AGMAT: variants seen among roughly 807,000 people sequenced by gnomAD.
AGMAT encodes guanidino acid hydrolase, mitochondrial.
Under a neutral mutation model 29.3 loss-of-function variants are expected in AGMAT, and 37 were observed. That is an observed-to-expected ratio of 1.26 (90% CI 0.97 to 1.66). The LOEUF is 1.66. Among genes scored for constraint, AGMAT ranks in the 40% most tolerant of loss-of-function variants. The pLI, the probability that AGMAT is intolerant of heterozygous loss-of-function variation, is 0.00. For synonymous variants in AGMAT, 199 were observed against 200.8 expected, an observed-to-expected ratio of 0.99 and a Z score of 0.08; for missense variants, 498 against 497.8, an observed-to-expected ratio of 1.00 and a Z score of 0.00.
At position 15,577,737 on chromosome 1, in the gene AGMAT, G is replaced by A. The variant is rs1255469975; in HGVS notation, c.848C>T (p.Ala283Val). Residue 283 changes from alanine (A) to valine (V), a missense_variant, in exon 5 of 7, where the codon GCC becomes GTC. Physicochemically the swap from Ala to Val is moderately conservative, Grantham distance 64. Transcript: ENST00000375826. The stretch of plus-strand genomic sequence containing the variant: ...AGGTGTCCCTGTCCCTGGCGCATAG[G>A]CAGGATCCAGAGCGTCAATATCAAA... ...ISFDIDALDP[A>V]YAPGTGTPEI... 1 of 1,614,118 alleles carries A rather than the reference G, an allele frequency of 6.2e-7. No homozygotes were observed. The highest frequency in any genetic ancestry group is 1.7e-5 in the Admixed American group (1 of 60,014).
In AGMAT at chr1:15,572,668, T is replaced by TC. The variant is rs1270807140; in HGVS notation, c.*982dup. On this transcript the variant is annotated 3_prime_UTR_variant, in exon 7 of 7. Coordinates refer to ENST00000375826, the MANE Select transcript of AGMAT (RefSeq NM_024758.5). ...AGCCACCGTGTCCAGCCTTAGGTTT[T>TC]CTAGTTTAGAAGACATTTTGTGTAC... The TC allele has an allele frequency of 6.6e-6, 1 of 152,090 alleles. No homozygotes were observed. Among genetic ancestry groups the TC allele is most frequent in the African/African-American group, 2.4e-5 (1 of 41,396 alleles). 9.4% of individuals were successfully genotyped at this position (152,090 alleles called of 1,614,324 possible).
At position 15,579,789 on chromosome 1, in the gene AGMAT, A is replaced by G. The variant is rs564829881; in HGVS notation, c.524+305T>C. Among the ~76,000 whole-genome samples, 3 of 152,358 alleles carry G rather than the reference A, an allele frequency of 2.0e-5. No individual in the cohort carries two copies. The East Asian group carries it at 5.8e-4, about 29-fold the overall frequency. ...TGAAGCAAAACAGAAACTGAAGTTAACTGAGGTTGTGTATTTCACTAGAGG... is the reference window on the plus strand; with the variant it reads ...TGAAGCAAAACAGAAACTGAAGTTAGCTGAGGTTGTGTATTTCACTAGAGG... On this transcript the variant is annotated intron_variant, in intron 3 of 6. Transcript: ENST00000375826.
intron 5 of AGMAT, chr1:15,575,731 T>TTATTTATG (rs1451436676): frequency 7.7e-6 from 1 of 129,868 alleles, no homozygotes; most frequent in Non-Finnish European, 1.6e-5. Flanking sequence ...ACATGCACTT[T>TTATTTATG]TATTTATTTA....
chr1:15,584,196 G>T (rs1394651914), intron 1 of AGMAT, among the ~76,000 whole-genome samples: 3 of 152,202 alleles, frequency 2.0e-5, no homozygotes, highest in Non-Finnish European at 4.4e-5. Flanking sequence ...AGGCTGGAGC[G>T]CAGTGGCGCA....
At position 15,584,806 on chromosome 1, in the gene AGMAT, C is replaced by A; in HGVS notation, c.162G>T (p.Val54=). The A allele has an allele frequency of 1.4e-6, 2 of 1,401,000 alleles. No homozygotes were observed. Among genetic ancestry groups the A allele is most frequent in the Non-Finnish European group, 1.9e-6 (2 of 1,080,408 alleles). The allele number at this position is 1,401,000 out of a possible 1,614,324, so 86.8% of individuals were successfully genotyped here. A position where few individuals can be genotyped will look rare whatever the true frequency, so the allele number is the denominator to read the frequency against. Residue 54 remains valine, a synonymous_variant, in exon 1 of 7, where the codon GTG becomes GTT. Transcript: ENST00000375826. Reference sequence around the variant, plus strand: ...GCAGGCGCATCATGGAGCAGACGCCCACCGGCCGGGCCACGAACTCGGGGC... The same window carrying A: ...GCAGGCGCATCATGGAGCAGACGCCAACCGGCCGGGCCACGAACTCGGGGC... ...PPSPEFVARP[V]GVCSMMRLPV...
intron 3 of AGMAT, among the ~76,000 whole-genome samples, chr1:15,579,444 C>T (rs1180174719): frequency 6.6e-6 from 1 of 152,116 alleles, no homozygotes; most frequent in Admixed American, 6.5e-5. Context: ...CTCCATCAAC[C>T]CCTGCCAGCC....
At position 15,580,080 on chromosome 1, in the gene AGMAT, C is replaced by T; in HGVS notation, c.524+14G>A. 1 of 1,612,972 alleles carries T rather than the reference C, an allele frequency of 6.2e-7. No individual in the cohort carries two copies. The highest frequency in any genetic ancestry group is 8.5e-7 in the Non-Finnish European group (1 of 1,179,142). On this transcript the variant is annotated intron_variant, in intron 3 of 6. Coordinates refer to ENST00000375826, the MANE Select transcript of AGMAT (RefSeq NM_024758.5). ...TTTTGAAATCTTGCTGGGCCCAAGC[C>T]ATTTGAGACTTACTTTTTTGCCATC...
intron 3 of AGMAT, among the ~76,000 whole-genome samples, chr1:15,579,731 C>G (rs1179357464): frequency 6.6e-6 from 1 of 152,196 alleles, no homozygotes; most frequent in African/African-American, 2.4e-5. Flanking sequence ...GCAAGGTCCA[C>G]CATTGTGCCT....
At chr1:15,578,758 T>C in intron 4 of AGMAT, 101 bp downstream of exon 4, 1 of 1,309,706 alleles carries the variant, frequency 7.6e-7, no homozygotes, top group Non-Finnish European at 1.1e-6. Flanking sequence ...TGCTTCAGAC[T>C]TGATTAGTAA....
At position 15,573,706 on chromosome 1, in the gene AGMAT, G is replaced by A. The variant is rs202068651; in HGVS notation, c.1004C>T (p.Ala335Val). The A allele has an allele frequency of 1.9e-5, 31 of 1,614,108 alleles. No homozygotes were observed. The highest frequency in any genetic ancestry group is 1.2e-4 in the Admixed American group (7 of 60,016). The change falls in exon 7 of 7, where the codon GCG (alanine) becomes GTG (valine). Residue 335 changes from alanine (A) to valine (V), a missense_variant. Coordinates refer to ENST00000375826, the MANE Select transcript of AGMAT (RefSeq NM_024758.5). ...TAGCATCTCAAACAGCAGGTTAGCC[G>A]CCAGCAGGGCTGTGTTCCCTAAGAA... is the stretch of plus-strand genomic sequence containing the variant. ...YDLSGNTALL[A>V]ANLLFEMLCA... is the part of the protein sequence containing the mutation.
At chr1:15,577,931 C>T in intron 4 of AGMAT, 67 bp from the exon 5 acceptor site, 1 of 1,493,880 alleles carries the variant, frequency 6.7e-7, no homozygotes, top group South Asian at 1.2e-5. Flanking sequence ...TTGCCAGCCC[C>T]ATGCTCAGCT....
chr1:15,584,933 C>T lies in AGMAT; in HGVS notation c.35G>A (p.Gly12Asp). Residue 12 changes from glycine (G) to aspartate (D), a missense_variant, in exon 1 of 7, where the codon GGC becomes GAC. Gly to Asp is a moderately conservative substitution (Grantham distance 94, BLOSUM62 -1). Transcript: ENST00000375826. The part of the protein sequence containing the change: ...LRLLASGCAR[G>D]PGPGVGARPA... ...ACGCGCGCCCACGCCGGGCCCCGGG[C>T]CCCGGGCGCACCCGGACGCCAGCAG... The T allele has an allele frequency of 1.5e-6, 2 of 1,369,054 alleles. No homozygotes were observed. The highest frequency in any genetic ancestry group is 1.9e-6 in the Non-Finnish European group (2 of 1,069,530). 84.8% of individuals were successfully genotyped at this position (1,369,054 alleles called of 1,614,324 possible).
intron 2 of AGMAT, among the ~76,000 whole-genome samples, chr1:15,582,471 G>A (rs145822597): frequency 2.6e-5 from 4 of 152,180 alleles, no homozygotes; most frequent in South Asian, 2.1e-4. Context: ...CCATGCCATC[G>A]GGAAACCACA....
intron 2 of AGMAT, among the ~76,000 whole-genome samples, chr1:15,580,894 G>C (rs1363041600): frequency 2.6e-5 from 4 of 151,988 alleles, no homozygotes; most frequent in African/African-American, 9.7e-5. Flanking sequence ...AGAATCACTT[G>C]AACCCAGGAA....
At chr1:15,581,514 CAT>C (rs1639113459) in intron 2 of AGMAT, among the ~76,000 whole-genome samples, 1 of 151,530 alleles carries the variant, frequency 6.6e-6, no homozygotes, top group Admixed American at 6.6e-5. Context: ...CCACTATCCA[CAT>C]GTGACACACA....
chr1:15,577,067 G>A (rs1639050821), intron 5 of AGMAT, among the ~76,000 whole-genome samples: 1 of 151,934 alleles, frequency 6.6e-6, no homozygotes, highest in South Asian at 2.1e-4. Context: ...GTGTTCTTAA[G>A]AGAGGATACT....
rs956244258 is a variant in AGMAT at position 15,584,348 on chromosome 1, C to T, written c.272+348G>A. On this transcript the variant is annotated intron_variant, in intron 1 of 6. Coordinates refer to ENST00000375826, the MANE Select transcript of AGMAT (RefSeq NM_024758.5). Reference sequence around the variant, plus strand: ...TTGTACCTTTGTAGAGACAGAGTTTCACCATGTTGGTCAGGATGGTCTCGA... The same window carrying T: ...TTGTACCTTTGTAGAGACAGAGTTTTACCATGTTGGTCAGGATGGTCTCGA... Among the ~76,000 whole-genome samples, 25 of 150,198 alleles carry T rather than the reference C, an allele frequency of 1.7e-4. 1 individual carries two copies. Among genetic ancestry groups the T allele is most frequent in the Admixed American group, 1.6e-3 (24 of 15,066 alleles).
chr1:15,578,831 C>T (rs767176489), intron 4 of AGMAT, 28 bp downstream of exon 4: 1 of 1,607,794 alleles, frequency 6.2e-7, no homozygotes, highest in Non-Finnish European at 8.5e-7. Context: ...TTTTGAGGGG[C>T]AAGGGTGGGG....
chr1:15,584,584 G>C (rs1639159048), intron 1 of AGMAT, 112 bp downstream of exon 1: 2 of 1,164,676 alleles, frequency 1.7e-6, no homozygotes, highest in Non-Finnish European at 1.1e-6. Context: ...CCGGCCACCA[G>C]CTTCCAACTC....
Sources: allele counts gnomAD v4.1 joint callset (sites outside exome capture counted in the v4.1 genomes callset), GRCh38; gene constraint gnomAD v4.1.1; transcripts MANE v1.5; gene names NCBI Gene and HGNC (gene_info 2026-07-23, HGNC 2026-07-21).